ERLEC1: variants seen among roughly 807,000 people sequenced by gnomAD.
The protein encoded by ERLEC1 is ER lectin.
In ERLEC1, 47 loss-of-function variants were observed where a neutral mutation model predicts 68.0. The ratio of observed to expected loss-of-function variants is 0.69; its 90% CI spans 0.55 to 0.88. ERLEC1 has a LOEUF of 0.88. Among genes scored for constraint, ERLEC1 ranks in the 40% least tolerant of loss-of-function variants. The pLI, the probability that ERLEC1 is intolerant of heterozygous loss-of-function variation, is 0.00. For synonymous variants in ERLEC1, 225 were observed against 203.2 expected (o/e 1.11, Z -0.91); for missense variants, 567 against 583.8 (o/e 0.97, Z 0.30).
rs1675616608 is a variant in ERLEC1 at position 53,795,070 on chromosome 2, ATGAT to A, written c.267+624_267+627del. Among the ~76,000 whole-genome samples, 4 of 152,368 alleles carry A rather than the reference ATGAT, an allele frequency of 2.6e-5. No individual in the cohort carries two copies. The South Asian group carries it at 8.3e-4, about 32-fold the overall frequency. ...AATGTATATGTGACTTTTTAAATAA[ATGAT>A]TGTTTATAAATAAGTCTGTAGGTAC... On this transcript the variant is annotated intron_variant, in intron 2 of 13. Coordinates refer to ENST00000185150, the MANE Select transcript of ERLEC1 (RefSeq NM_015701.5).
chr2:53,811,717 G>A (rs1015106249), intron 10 of ERLEC1, among the ~76,000 whole-genome samples: 24 of 152,146 alleles, frequency 1.6e-4, no homozygotes, highest in Non-Finnish European at 1.9e-4. Flanking sequence ...GTAGTAACTG[G>A]GGAAACTGGA....
At chr2:53,792,706 A>G (rs1675475756) in intron 1 of ERLEC1, among the ~76,000 whole-genome samples, 1 of 152,186 alleles carries the variant, frequency 6.6e-6, no homozygotes, top group Non-Finnish European at 1.5e-5. Context: ...GCCAAGTAGT[A>G]CTGGTTTTAT....
At chr2:53,816,265 GTTT>G (rs57918616) in intron 13 of ERLEC1, among the ~76,000 whole-genome samples, 19 of 121,788 alleles carry the variant, frequency 1.6e-4, no homozygotes, top group East Asian at 4.7e-4. Flanking sequence ...GTTTTGGTTG[GTTT>G]TTTTTTTTTT....
rs776532596 is a variant in ERLEC1 at position 53,808,479 on chromosome 2, G to T, written c.1041+19G>T. On this transcript the variant is annotated intron_variant, in intron 9 of 13. Transcript: ENST00000185150. Reference sequence around the variant, plus strand: ...TCGTGGGGTGAGAAGTAAATCTTCAGTTTAAATATTTATTTTACAACTTTA... The same window carrying T: ...TCGTGGGGTGAGAAGTAAATCTTCATTTTAAATATTTATTTTACAACTTTA... 1 of 1,610,534 alleles carries T rather than the reference G, an allele frequency of 6.2e-7. No homozygotes were observed. Among genetic ancestry groups the T allele is most frequent in the Admixed American group, 1.7e-5 (1 of 59,568 alleles).
rs577213214 is a variant in ERLEC1 at position 53,804,118 on chromosome 2, G to A, written c.879+2276G>A. 2.0e-4 allele frequency among the ~76,000 whole-genome samples: 31 copies of A among 152,198 alleles called. No homozygotes were observed. The South Asian group carries it at 3.7e-3, about 18-fold the overall frequency. On this transcript the variant is annotated intron_variant, in intron 8 of 13. Transcript: ENST00000185150. ...TGCACTCCAGCCTGGGCGACAAAGCGAGACTCCACCTCAACAAAAAATGAA... is the reference window on the plus strand; with the variant it reads ...TGCACTCCAGCCTGGGCGACAAAGCAAGACTCCACCTCAACAAAAAATGAA...
At position 53,806,665 on chromosome 2, in the gene ERLEC1, C is replaced by T. The variant is rs138956257; in HGVS notation, c.880-1634C>T. Among the ~76,000 whole-genome samples, 379 of 152,118 alleles carry T rather than the reference C, an allele frequency of 2.5e-3. 1 individual carries two copies. Among genetic ancestry groups the T allele is most frequent in the African/African-American group, 8.8e-3 (367 of 41,496 alleles). ...TAAGGTCATTGCTTTCTGGAGTAAC[C>T]GTCCAGTGACTCATACAAGCTGAAG... is the stretch of plus-strand genomic sequence containing the variant. On this transcript the variant is annotated intron_variant, in intron 8 of 13. Transcript: ENST00000185150.
chr2:53,808,386 A>T lies in ERLEC1; in HGVS notation c.967A>T (p.Thr323Ser). The T allele has an allele frequency of 1.9e-6, 3 of 1,614,222 alleles. No individual in the cohort carries two copies. The highest frequency in any genetic ancestry group is 2.5e-6 in the Non-Finnish European group (3 of 1,180,028). The change falls in exon 9 of 14, where the codon ACA (threonine) becomes TCA (serine). Residue 323 changes from threonine (T) to serine (S), a missense_variant. Physicochemically the swap from Thr to Ser is moderately conservative, Grantham distance 58 (BLOSUM62 1). Coordinates refer to ENST00000185150, the MANE Select transcript of ERLEC1 (RefSeq NM_015701.5). ...IGSQPVLTVG[T>S]THISKLTDDQ... ...CTCTCAGCCAGTGCTCACTGTTGGG[A>T]CAACCCACATATCCAAATTGACAGA...
chr2:53,805,930 T>C (rs899833552), intron 8 of ERLEC1, among the ~76,000 whole-genome samples: 1 of 152,240 alleles, frequency 6.6e-6, no homozygotes, highest in African/African-American at 2.4e-5. Flanking sequence ...TTAGGGTACA[T>C]GTGCCATATG....
At chr2:53,787,748 CA>C (rs1675138768) in intron 1 of ERLEC1, 1 of 188,318 alleles carries the variant, frequency 5.3e-6, no homozygotes, top group Admixed American at 5.9e-5. Flanking sequence ...TTCTTTCCTT[CA>C]GTATTACATG....
In ERLEC1 at chr2:53,808,345, A is replaced by G; in HGVS notation, c.926A>G (p.Lys309Arg). ...TKEERFPAIHKSIAIGSQPVL... is the reference protein window; with the variant it reads ...TKEERFPAIHRSIAIGSQPVL... ...GAAGAGAGATTTCCAGCGATCCACA[A>G]GTCGATTGCTATTGGCTCTCAGCCA... The change falls in exon 9 of 14, where the codon AAG becomes AGG. Residue 309 changes from lysine to arginine, a missense_variant. Coordinates refer to ENST00000185150, the MANE Select transcript of ERLEC1 (RefSeq NM_015701.5). 6.2e-7 allele frequency: 1 copy of G among 1,614,184 alleles called. No homozygotes were observed. Among genetic ancestry groups the G allele is most frequent in the Non-Finnish European group, 8.5e-7 (1 of 1,180,018 alleles).
intron 13 of ERLEC1, among the ~76,000 whole-genome samples, chr2:53,816,489 G>C (rs989046941): frequency 1.3e-5 from 2 of 151,752 alleles, no homozygotes; most frequent in South Asian, 4.2e-4. Flanking sequence ...GCCTAGTCTC[G>C]AACTCCTGAC....
intron 13 of ERLEC1, among the ~76,000 whole-genome samples, chr2:53,815,778 G>T (rs972074100): frequency 3.9e-5 from 6 of 151,976 alleles, no homozygotes; most frequent in Non-Finnish European, 1.5e-5. Flanking sequence ...ATGTTTACAG[G>T]TTACATATGA....
At chr2:53,808,187 G>A (rs1161295118) in intron 8 of ERLEC1, 112 bp from the exon 9 acceptor site, 3 of 1,141,362 alleles carry the variant, frequency 2.6e-6, no homozygotes, top group Non-Finnish European at 3.7e-6. Context: ...AAAGCAAGTG[G>A]ACAATTTATT....
At chr2:53,815,736 A>T (rs1558609483) in intron 13 of ERLEC1, among the ~76,000 whole-genome samples, 1 of 151,410 alleles carries the variant, frequency 6.6e-6, no homozygotes, top group East Asian at 1.9e-4. Flanking sequence ...TGTTTAGTTG[A>T]TTTTTTTTCT....
intron 8 of ERLEC1, among the ~76,000 whole-genome samples, chr2:53,802,756 G>A (rs928764319): frequency 2.0e-5 from 3 of 152,114 alleles, no homozygotes; most frequent in Non-Finnish European, 2.9e-5. Flanking sequence ...AAGTACCGCG[G>A]AGTTTTGCTC....
Position 53,814,822 on chromosome 2 carries a change from A to G in ERLEC1, c.1305-38A>G, listed in dbSNP as rs1230183360. The G allele has an allele frequency of 2.7e-6, 4 of 1,465,590 alleles. No individual in the cohort carries two copies. The East Asian group carries it at 9.1e-5, about 33-fold the overall frequency. The allele number at this position is 1,465,590 out of a possible 1,614,324, so 90.8% of individuals were successfully genotyped here. ...GTTATTAACAGTGATCTTACTTTAA[A>G]TGATTTGGACAGTACCTTAAAGTGC... On this transcript the variant is annotated intron_variant, in intron 12 of 13. Transcript: ENST00000185150.
At chr2:53,812,525 A>G (rs1324184735) in intron 10 of ERLEC1, among the ~76,000 whole-genome samples, 1 of 152,200 alleles carries the variant, frequency 6.6e-6, no homozygotes, top group Non-Finnish European at 1.5e-5. Flanking sequence ...GATAGAGGCC[A>G]AAGATGCAAT....
chr2:53,814,985 A>ATTTTTTTT, intron 13 of ERLEC1, 50 bp downstream of exon 13: 2 of 967,246 alleles, frequency 2.1e-6, no homozygotes, highest in East Asian at 2.9e-5. Flanking sequence ...CCATGTTTTA[A>ATTTTTTTT]TTTTTTTTTC....
rs201767927 is a variant in ERLEC1 at position 53,812,919 on chromosome 2, G to T, written c.1102-30G>T. 110 of 1,597,856 alleles carry T rather than the reference G, an allele frequency of 6.9e-5. 2 individuals carry two copies. The South Asian group carries it at 1.0e-3, about 15-fold the overall frequency. ...ATATCTACTTGATGATATCAAGCAC[G>T]CATTATCACAAATTTTTTTCCCATA... On this transcript the variant is annotated intron_variant, in intron 10 of 13. Coordinates refer to ENST00000185150, the MANE Select transcript of ERLEC1 (RefSeq NM_015701.5).
Sources: gnomAD v4.1 joint callset for allele counts (sites outside exome capture counted in the v4.1 genomes callset) on GRCh38, gnomAD v4.1.1 for gene constraint, MANE v1.5 for transcripts, NCBI Gene and HGNC (gene_info 2026-07-23, HGNC 2026-07-21) for gene names.